Variants in SLC5A7 observed in about 807,000 individuals in gnomAD.
SLC5A7 encodes the protein high affinity choline transporter 1.
Under a neutral mutation model 55.4 loss-of-function variants are expected in SLC5A7, and 19 were observed. The observed-to-expected ratio is 0.34, with a 90% CI of 0.24 to 0.50. The LOEUF (loss-of-function observed/expected upper bound fraction) is 0.50, where lower values mean the gene tolerates loss of function less well. SLC5A7 is among the 20% of genes least tolerant of loss of function. The probability of loss-of-function intolerance (pLI) is 0.98; values close to 1 mark genes in which losing one functional copy is unlikely to be tolerated. For synonymous variants in SLC5A7, 265 were observed against 263.7 expected (o/e 1.00, Z -0.05); for missense variants, 506 against 705.3 (o/e 0.72, Z 3.20).
At chr2:108,003,993 A>G (rs1678013621) in intron 6 of SLC5A7, among the ~76,000 whole-genome samples, 1 of 152,042 alleles carries the variant, frequency 6.6e-6, no homozygotes, top group Non-Finnish European at 1.5e-5. Context: ...GAGGTCTCTG[A>G]CCTCTTCTTA....
At chr2:108,004,685 C>T (rs1459162580) in intron 6 of SLC5A7, among the ~76,000 whole-genome samples, 1 of 152,136 alleles carries the variant, frequency 6.6e-6, no homozygotes, top group Non-Finnish European at 1.5e-5. Context: ...CCTCACTCAC[C>T]TCTCATCATA....
At position 108,008,691 on chromosome 2, in the gene SLC5A7, A is replaced by G. The variant is rs192964655; in HGVS notation, c.1113+9A>G. 9.8e-5 allele frequency: 157 copies of G among 1,609,160 alleles called. 1 individual carries two copies. In the Admixed American group the frequency reaches 1.5e-3, roughly 15 times the overall value. On this transcript the variant is annotated intron_variant, in intron 8 of 8. Transcript: ENST00000264047. ...TTTCCTTCAGACAAAATGTAAGAACAGTTTCTTTCAACCTGACATTTACTA... is the reference window on the plus strand; with the variant it reads ...TTTCCTTCAGACAAAATGTAAGAACGGTTTCTTTCAACCTGACATTTACTA...
At position 108,001,902 on chromosome 2, in the gene SLC5A7, C is replaced by A. The variant is rs571755969; in HGVS notation, c.603C>A (p.Ile201=). The A allele has an allele frequency of 1.1e-5, 17 of 1,613,926 alleles. No individual in the cohort carries two copies. In the East Asian group the frequency reaches 3.8e-4, roughly 36 times the overall value. Residue 201 remains isoleucine, a synonymous_variant, in exon 6 of 9, where the codon ATC becomes ATA. Coordinates refer to ENST00000264047, the MANE Select transcript of SLC5A7 (RefSeq NM_021815.5). ...AGTGTCACTTTCTGTTGCAGTGGATCAGCGTCCCCTTTGCATTGTCACATC... is the reference window on the plus strand; with the variant it reads ...AGTGTCACTTTCTGTTGCAGTGGATAAGCGTCCCCTTTGCATTGTCACATC... ...QLFCIFVGLW[I]SVPFALSHPA...
intron 2 of SLC5A7, among the ~76,000 whole-genome samples, chr2:107,988,967 G>T (rs1411728063): frequency 6.6e-5 from 10 of 152,136 alleles, no homozygotes; most frequent in Admixed American, 2.0e-4. Context: ...AAAAGCTAGG[G>T]TGTGTCCTCA....
At chr2:107,997,717 C>T in intron 4 of SLC5A7, 121 bp from the exon 5 acceptor site, 1 of 952,748 alleles carries the variant, frequency 1.0e-6, no homozygotes, top group South Asian at 3.5e-5. Context: ...TGTTTTCATC[C>T]ACTGCATTTC....
At chr2:107,986,849 G>C (rs1677261613) in intron 1 of SLC5A7, 86 bp downstream of exon 1, 1 of 152,284 alleles carries the variant, frequency 6.6e-6, no homozygotes, top group Non-Finnish European at 1.5e-5. Context: ...TTTTAGAGGG[G>C]AGGGACGCGG....
At chr2:107,994,023 A>G (rs1314658300) in intron 4 of SLC5A7, among the ~76,000 whole-genome samples, 1 of 152,204 alleles carries the variant, frequency 6.6e-6, no homozygotes, top group Non-Finnish European at 1.5e-5. Context: ...AAGCTTGCCC[A>G]TGCCTTAGCG....
chr2:108,003,215 G>T (rs768311837), intron 6 of SLC5A7, among the ~76,000 whole-genome samples: 30 of 152,148 alleles, frequency 2.0e-4, no homozygotes, highest in Non-Finnish European at 2.8e-4. Flanking sequence ...CTGCATAGTA[G>T]ATGTGCTTAT....
chr2:108,003,796 T>C (rs1254231035), intron 6 of SLC5A7, among the ~76,000 whole-genome samples: 1 of 152,264 alleles, frequency 6.6e-6, no homozygotes, highest in Non-Finnish European at 1.5e-5. Context: ...TTAGTCAGTT[T>C]GGGCTGTTGT....
At chr2:107,994,455 C>T (rs777806675) in intron 4 of SLC5A7, among the ~76,000 whole-genome samples, 4 of 151,942 alleles carry the variant, frequency 2.6e-5, no homozygotes, top group Admixed American at 6.6e-5. Flanking sequence ...TGGTGGCGGG[C>T]GCCTGTAGTC....
chr2:108,002,166 C>A, intron 6 of SLC5A7, 126 bp downstream of exon 6: 1 of 1,143,106 alleles, frequency 8.7e-7, no homozygotes, highest in Non-Finnish European at 1.2e-6. Context: ...GAATTGAGGA[C>A]TCTCTATCGG....
In SLC5A7 at chr2:108,010,535, T is replaced by G; in HGVS notation, c.1417T>G (p.Tyr473Asp). The G allele has an allele frequency of 6.2e-7, 1 of 1,613,874 alleles. No individual in the cohort carries two copies. The highest frequency in any genetic ancestry group is 8.5e-7 in the Non-Finnish European group (1 of 1,179,878). ...PGYYPDDNGIYNQKFPFKTLA... is the reference protein window; with the variant it reads ...PGYYPDDNGIDNQKFPFKTLA... ...CTATTACCCTGATGATAATGGTATA[T>G]ATAATCAGAAATTTCCATTTAAAAC... The change falls in exon 9 of 9, where the codon TAT (tyrosine) becomes GAT (aspartate). Residue 473 changes from tyrosine to aspartate, a missense_variant. By Grantham distance (160) the Tyr-to-Asp change is radical. Coordinates refer to ENST00000264047, the MANE Select transcript of SLC5A7 (RefSeq NM_021815.5).
In SLC5A7 at chr2:108,010,597, C is replaced by T. The variant is rs752252703; in HGVS notation, c.1479C>T (p.Cys493=). The T allele has an allele frequency of 6.2e-7, 1 of 1,613,988 alleles. No individual in the cohort carries two copies. The highest frequency in any genetic ancestry group is 1.3e-5 in the African/African-American group (1 of 75,040). Residue 493 remains cysteine (C), a synonymous_variant, in exon 9 of 9, where the codon TGC becomes TGT. Transcript: ENST00000264047. The part of the protein sequence containing the change: ...AMVTSFLTNI[C]ISYLAKYLFE... Reference sequence around the variant, plus strand: ...TTACATCATTCTTAACCAACATTTGCATCTCCTATCTAGCCAAGTATCTAT... The same window carrying T: ...TTACATCATTCTTAACCAACATTTGTATCTCCTATCTAGCCAAGTATCTAT...
intron 4 of SLC5A7, among the ~76,000 whole-genome samples, chr2:107,995,004 T>C (rs1267275506): frequency 6.6e-6 from 1 of 152,224 alleles, no homozygotes; most frequent in Admixed American, 6.5e-5. Flanking sequence ...TATATGTGTG[T>C]CTGTGTTTGT....
intron 6 of SLC5A7, among the ~76,000 whole-genome samples, chr2:108,003,943 A>G (rs2104368758): frequency 6.6e-6 from 1 of 152,236 alleles, no homozygotes; most frequent in East Asian, 1.9e-4. Context: ...CAGACTGTAC[A>G]CTTCTCGTTG....
rs1024657301 is a variant in SLC5A7 at position 107,993,266 on chromosome 2, G to C, written c.448+139G>C. Reference sequence around the variant, plus strand: ...CTGAACCATATTTATATGCATAAAAGCTTAATGGAAATTCTACGTTTACTT... The same window carrying C: ...CTGAACCATATTTATATGCATAAAACCTTAATGGAAATTCTACGTTTACTT... On this transcript the variant is annotated intron_variant, in intron 4 of 8. Coordinates refer to ENST00000264047, the MANE Select transcript of SLC5A7 (RefSeq NM_021815.5). The C allele has an allele frequency of 4.5e-4, 401 of 886,426 alleles. 1 individual carries two copies. The highest frequency in any genetic ancestry group is 1.9e-4 in the Non-Finnish European group (112 of 597,210). 54.9% of individuals were successfully genotyped at this position (886,426 alleles called of 1,614,324 possible). A position where few individuals can be genotyped will look rare whatever the true frequency, so the allele number is the denominator to read the frequency against.
At position 108,001,946 on chromosome 2, in the gene SLC5A7, G is replaced by A. The variant is rs1430918669; in HGVS notation, c.647G>A (p.Gly216Glu). 6.2e-7 allele frequency: 1 copy of A among 1,614,056 alleles called. No individual in the cohort carries two copies. Among genetic ancestry groups the A allele is most frequent in the Non-Finnish European group, 8.5e-7 (1 of 1,180,034 alleles). The change falls in exon 6 of 9, where the codon GGG (glycine) becomes GAG (glutamate). Residue 216 changes from glycine (G) to glutamate (E), a missense_variant. Around this residue, in one of 4 missense-constraint regions of SLC5A7, gnomAD observed 309 missense variants for 478.6 expected, o/e 0.65. Transcript: ENST00000264047. ...TCACATCCTGCAGTCGCAGACATCG[G>A]GTTCACTGCTGTGCATGCCAAATAC... ...ALSHPAVADI[G>E]FTAVHAKYQK...
At position 108,006,055 on chromosome 2, in the gene SLC5A7, G is replaced by A; in HGVS notation, c.748G>A (p.Gly250Ser). 1 of 1,613,964 alleles carries A rather than the reference G, an allele frequency of 6.2e-7. No individual in the cohort carries two copies. Among genetic ancestry groups the A allele is most frequent in the Non-Finnish European group, 8.5e-7 (1 of 1,179,936 alleles). ...CCTTGTGTTTCCCGCACAGATGCTG[G>A]GTGGAATCCCATGGCAAGCATACTT... ...WLDSFLLLML[G>S]GIPWQAYFQR... The change falls in exon 7 of 9, where the codon GGT becomes AGT. Residue 250 changes from glycine (G) to serine (S), a missense_variant. By Grantham distance (56) the Gly-to-Ser change is moderately conservative. This residue lies in a region of SLC5A7 where 309 missense variants were observed against 478.6 expected (regional missense o/e 0.65). Transcript: ENST00000264047.
rs1394340854 is a variant in SLC5A7, at chr2:108,010,882, G to A, written c.*21G>A. On this transcript the variant is annotated 3_prime_UTR_variant, in exon 9 of 9. Transcript: ENST00000264047. The stretch of plus-strand genomic sequence containing the variant: ...AGTGACCCCATCTAAATAAAATACT[G>A]CTTTTGCAAACAGAACACTGTAATA... The A allele has an allele frequency of 6.5e-7, 1 of 1,538,882 alleles. No individual in the cohort carries two copies. Among genetic ancestry groups the A allele is most frequent in the African/African-American group, 1.4e-5 (1 of 72,242 alleles).
Sources: gnomAD v4.1 joint callset for allele counts (sites outside exome capture counted in the v4.1 genomes callset) on GRCh38, gnomAD v4.1.1 for gene constraint, gnomAD v4.1.1 regional missense constraint, MANE v1.5 for transcripts, NCBI Gene and HGNC (gene_info 2026-07-23, HGNC 2026-07-21) for gene names.